The following MYT1L variants were observed in gnomAD, a reference collection of about 807,000 sequenced individuals.
The protein encoded by MYT1L is myelin transcription factor 1 like, also known as myelin transcription factor 1-like protein.
A neutral mutation model predicts 126.7 loss-of-function variants in MYT1L; 12 were observed. That is an observed-to-expected ratio of 0.09 (90% CI 0.06 to 0.15). MYT1L has a LOEUF of 0.15. Among genes scored for constraint, MYT1L ranks in the 10% least tolerant of loss-of-function variants. The probability of loss-of-function intolerance (pLI) is 1.00; values close to 1 mark genes in which losing one functional copy is unlikely to be tolerated. For missense variants in MYT1L, 979 were observed against 1,585.2 expected (o/e 0.62, Z 6.49); for synonymous variants, 541 against 604.2 (o/e 0.90, Z 1.53).
chr2:2,242,785 G>A (rs972742969), intron 2 of MYT1L, among the ~76,000 whole-genome samples: 2 of 152,200 alleles, frequency 1.3e-5, no homozygotes, highest in African/African-American at 2.4e-5. Context: ...ATATGAAGTC[G>A]AATATGGCTA....
At chr2:1,849,245 G>A (rs1375112732) in intron 19 of MYT1L, among the ~76,000 whole-genome samples, 2 of 152,036 alleles carry the variant, frequency 1.3e-5, no homozygotes, top group Admixed American at 6.6e-5. Context: ...ACGCCATGCC[G>A]GAAGCTCTGG....
intron 3 of MYT1L, among the ~76,000 whole-genome samples, chr2:2,155,299 C>T (rs1359945440): frequency 6.6e-6 from 1 of 152,224 alleles, no homozygotes; most frequent in Admixed American, 6.5e-5. Flanking sequence ...CTGGATAGCA[C>T]AGATGGGACT....
At chr2:2,004,147 GTTCTTTCCTGTGTGCC>G (rs1313990677) in intron 4 of MYT1L, among the ~76,000 whole-genome samples, 6 of 143,726 alleles carry the variant, frequency 4.2e-5, no homozygotes, top group Non-Finnish European at 7.5e-5. Flanking sequence ...TCCTGCATAC[GTTCTTTCCTGTGTGCC>G]TTCTTTCCTG....
chr2:2,267,007 G>A (rs2095148064), intron 2 of MYT1L, among the ~76,000 whole-genome samples: 1 of 152,234 alleles, frequency 6.6e-6, no homozygotes, highest in Non-Finnish European at 1.5e-5. Flanking sequence ...AAGCTAAGGA[G>A]TACGTGGAGA....
intron 4 of MYT1L, among the ~76,000 whole-genome samples, chr2:2,027,309 C>A (rs1034288945): frequency 6.6e-6 from 1 of 152,276 alleles, no homozygotes; most frequent in Non-Finnish European, 1.5e-5. Flanking sequence ...AACAGCTGCA[C>A]GTGGAGCACC....
At chr2:2,227,571 C>A (rs924314515) in intron 2 of MYT1L, among the ~76,000 whole-genome samples, 1 of 152,292 alleles carries the variant, frequency 6.6e-6, no homozygotes, top group East Asian at 1.9e-4. Context: ...CTGCACTGCT[C>A]CTGTCCTGGG....
intron 2 of MYT1L, among the ~76,000 whole-genome samples, chr2:2,199,100 T>A (rs185032283): frequency 1.1e-3 from 166 of 152,236 alleles, no homozygotes; most frequent in Admixed American, 2.2e-3. Flanking sequence ...TAGATTATTT[T>A]AAAAAAATGA....
At chr2:2,314,070 G>A (rs574025170) in intron 1 of MYT1L, among the ~76,000 whole-genome samples, 87 of 151,996 alleles carry the variant, frequency 5.7e-4, no homozygotes, top group African/African-American at 9.4e-4. Flanking sequence ...TTATTTTTGC[G>A]TACCATGAGA....
At chr2:2,257,797 C>T (rs572845863) in intron 2 of MYT1L, among the ~76,000 whole-genome samples, 12 of 150,622 alleles carry the variant, frequency 8.0e-5, no homozygotes, top group African/African-American at 1.7e-4. Context: ...GAATCAATAT[C>T]GTGAAAATGG....
intron 3 of MYT1L, among the ~76,000 whole-genome samples, chr2:2,117,384 C>T (rs1038704618): frequency 6.6e-6 from 1 of 152,152 alleles, no homozygotes; most frequent in Admixed American, 6.5e-5. Context: ...TTGTCCTGGA[C>T]GTCTCCACCC....
chr2:2,270,094 T>A (rs1161767607), intron 2 of MYT1L, among the ~76,000 whole-genome samples: 1 of 152,150 alleles, frequency 6.6e-6, no homozygotes, highest in Non-Finnish European at 1.5e-5. Flanking sequence ...GGGACTGGTG[T>A]CCTTTTAAGA....
chr2:1,961,926 TGTG>T (rs2058993939), intron 8 of MYT1L, among the ~76,000 whole-genome samples: 1 of 152,204 alleles, frequency 6.6e-6, no homozygotes, highest in Admixed American at 6.5e-5. Flanking sequence ...AATAATGTAT[TGTG>T]TATTTCAAAA....
rs967707660 is a variant in MYT1L, at chr2:2,098,388, C to T, written c.-303-44265G>A. On this transcript the variant is annotated intron_variant, in intron 3 of 24. Transcript: ENST00000647738. ...CAAGTACCACCTGTCTTAAGTCACA[C>T]AGTGTTGGTTCTTAACACTGTATGT... Among the ~76,000 whole-genome samples the T allele has an allele frequency of 2.6e-5, 4 of 152,230 alleles. No homozygotes were observed. The East Asian group carries it at 5.8e-4, about 22-fold the overall frequency.
At chr2:2,264,794 C>T (rs1161050662) in intron 2 of MYT1L, among the ~76,000 whole-genome samples, 1 of 152,144 alleles carries the variant, frequency 6.6e-6, no homozygotes, top group African/African-American at 2.4e-5. Flanking sequence ...CAGCACTCCT[C>T]TAGGAGAATT....
intron 3 of MYT1L, among the ~76,000 whole-genome samples, chr2:2,064,236 A>G (rs2070926322): frequency 6.6e-6 from 1 of 152,194 alleles, no homozygotes; most frequent in Non-Finnish European, 1.5e-5. Context: ...GGCAAACACG[A>G]GGTCAGTGCC....
chr2:2,120,941 A>G (rs2080906314), intron 3 of MYT1L, among the ~76,000 whole-genome samples: 1 of 151,874 alleles, frequency 6.6e-6, no homozygotes, highest in Non-Finnish European at 1.5e-5. Context: ...CCCGAAGTCC[A>G]TTTCCAGTGA....
chr2:2,033,192 A>AC (rs1292759523), intron 4 of MYT1L, among the ~76,000 whole-genome samples: 1 of 130,282 alleles, frequency 7.7e-6, no homozygotes, highest in Admixed American at 8.2e-5. Flanking sequence ...CCTTACACAC[A>AC]CCCCTTGCCA....
At chr2:1,884,172 ATGTAT>A (rs952752238) in intron 18 of MYT1L, 8 of 152,244 alleles carry the variant, frequency 5.3e-5, no homozygotes, top group Non-Finnish European at 8.8e-5. Flanking sequence ...GTTAGCTGAC[ATGTAT>A]TGTAGAGAAT....
intron 2 of MYT1L, among the ~76,000 whole-genome samples, chr2:2,270,896 G>A (rs934028041): frequency 5.3e-5 from 8 of 151,794 alleles, no homozygotes; most frequent in Admixed American, 4.6e-4. Flanking sequence ...ATCGGCTGAC[G>A]CTGACTCTTG....
Sources: allele counts gnomAD v4.1 joint callset (sites outside exome capture counted in the v4.1 genomes callset), GRCh38; gene constraint gnomAD v4.1.1; transcripts MANE v1.5; gene names NCBI Gene and HGNC (gene_info 2026-07-23, HGNC 2026-07-21).